Variants in DGKB observed in about 807,000 individuals in gnomAD.
DGKB encodes the protein diacylglycerol kinase beta, also known as 90 kDa diacylglycerol kinase.
DGKB carries 67 observed loss-of-function variants against 114.3 expected under a neutral mutation model. The ratio of observed to expected loss-of-function variants is 0.59; its 90% CI spans 0.48 to 0.72. DGKB has a LOEUF of 0.72. Ranked by LOEUF, DGKB falls within the 30% of genes least tolerant of loss-of-function variation. DGKB has a pLI of 0.00. For missense variants in DGKB, 907 were observed against 975.2 expected (o/e 0.93, Z 0.93); for synonymous variants, 398 against 323.1 (o/e 1.23, Z -2.49).
intron 20 of DGKB, among the ~76,000 whole-genome samples, chr7:14,486,771 T>C (rs900871502): frequency 6.6e-6 from 1 of 152,132 alleles, no homozygotes; most frequent in African/African-American, 2.4e-5. Flanking sequence ...TGGAGAGCTG[T>C]GTGTGCACAG....
chr7:14,310,587 T>C (rs1273046388), intron 23 of DGKB, among the ~76,000 whole-genome samples: 1 of 152,196 alleles, frequency 6.6e-6, no homozygotes, highest in Non-Finnish European at 1.5e-5. Context: ...CAGGCACCCT[T>C]CTTCTTCCTC....
chr7:14,932,805 G>C (rs1785089726), intron 1 of DGKB, among the ~76,000 whole-genome samples: 2 of 152,146 alleles, frequency 1.3e-5, no homozygotes, highest in African/African-American at 4.8e-5. Context: ...CTAATCTGTT[G>C]ACCACCAAAG....
rs147809042 is a variant in DGKB at position 14,434,617 on chromosome 7, C to G, written c.1835+43544G>C. Among the ~76,000 whole-genome samples the G allele has an allele frequency of 4.1e-3, 623 of 152,140 alleles. 4 individuals carry two copies. Among genetic ancestry groups the G allele is most frequent in the African/African-American group, 0.014 (591 of 41,516 alleles). ...ACACTTTGATTCTTGTTCAGTGAGACCTGTGTTGAATATCTGACCTATAGA... is the reference window on the plus strand; with the variant it reads ...ACACTTTGATTCTTGTTCAGTGAGAGCTGTGTTGAATATCTGACCTATAGA... On this transcript the variant is annotated intron_variant, in intron 21 of 25. Coordinates refer to ENST00000402815, the MANE Select transcript of DGKB (RefSeq NM_001350709.2).
chr7:14,591,146 G>A (rs1425502087), intron 17 of DGKB, among the ~76,000 whole-genome samples: 3 of 152,258 alleles, frequency 2.0e-5, no homozygotes, highest in Non-Finnish European at 2.9e-5. Context: ...AGGCTGTGAT[G>A]AGGAGCAGCT....
chr7:14,554,738 A>G (rs942373448), intron 20 of DGKB, among the ~76,000 whole-genome samples: 1 of 152,138 alleles, frequency 6.6e-6, no homozygotes, highest in Non-Finnish European at 1.5e-5. Flanking sequence ...GAACAATTTG[A>G]AAGGCAAAAT....
At chr7:14,280,372 A>G (rs1260576418) in intron 23 of DGKB, among the ~76,000 whole-genome samples, 1 of 152,114 alleles carries the variant, frequency 6.6e-6, no homozygotes, top group Admixed American at 6.5e-5. Flanking sequence ...AAAAGACCAA[A>G]TCTACGTCTG....
intron 1 of DGKB, among the ~76,000 whole-genome samples, chr7:14,949,511 G>A (rs1786059284): frequency 6.6e-6 from 1 of 151,966 alleles, no homozygotes; most frequent in Admixed American, 6.6e-5. Context: ...TCAGAGAAAT[G>A]TGGTATCTCA....
intron 20 of DGKB, among the ~76,000 whole-genome samples, chr7:14,493,598 C>G (rs1458860993): frequency 6.6e-6 from 1 of 151,876 alleles, no homozygotes; most frequent in Non-Finnish European, 1.5e-5. Flanking sequence ...TACGAGTGAC[C>G]TAAGTGGCAG....
intron 20 of DGKB, among the ~76,000 whole-genome samples, chr7:14,537,523 T>C (rs938686267): frequency 6.6e-6 from 1 of 152,138 alleles, no homozygotes; most frequent in Non-Finnish European, 1.5e-5. Context: ...ATGCCAAGAA[T>C]ACACAACAGA....
chr7:14,423,708 T>C (rs1362904599), intron 21 of DGKB, among the ~76,000 whole-genome samples: 1 of 152,116 alleles, frequency 6.6e-6, no homozygotes, highest in East Asian at 1.9e-4. Flanking sequence ...AATTGATATT[T>C]CACTCAATGA....
Position 14,682,642 on chromosome 7 carries a change from T to A in DGKB, c.946A>T (p.Asn316Tyr). 6.2e-7 allele frequency: 1 copy of A among 1,613,544 alleles called. No individual in the cohort carries two copies. The highest frequency in any genetic ancestry group is 8.5e-7 in the Non-Finnish European group (1 of 1,179,558). The change falls in exon 12 of 26, where the codon AAC becomes TAC. Residue 316 changes from asparagine (N) to tyrosine (Y), a missense_variant. Physicochemically the swap from Asn to Tyr is moderately radical, Grantham distance 143 (BLOSUM62 -2). Transcript: ENST00000402815. ...DVMHHYWVEG[N>Y]CPTKCDKCHK... ...CACTTATCACACTTGGTTGGGCAGT[T>A]ACCTTCAACCCAGTAATGGTGCATG... is the stretch of plus-strand genomic sequence containing the variant.
intron 2 of DGKB, among the ~76,000 whole-genome samples, chr7:14,780,772 T>A (rs1838967698): frequency 6.6e-6 from 1 of 152,204 alleles, no homozygotes; most frequent in African/African-American, 2.4e-5. Flanking sequence ...AATTAAGATC[T>A]TATTCACCCA....
chr7:14,633,779 T>C (rs891650765), intron 13 of DGKB, among the ~76,000 whole-genome samples: 6 of 151,790 alleles, frequency 4.0e-5, no homozygotes, highest in African/African-American at 1.4e-4. Context: ...TGATTGATTT[T>C]ATTTGATCAG....
At chr7:14,370,290 T>C (rs797017189) in intron 21 of DGKB, among the ~76,000 whole-genome samples, 31 of 152,310 alleles carry the variant, frequency 2.0e-4, no homozygotes, top group African/African-American at 7.2e-4. Flanking sequence ...GCCTCTGTTG[T>C]GTTCCATTGG....
At chr7:14,150,719 T>A (rs1313067372) in intron 25 of DGKB, among the ~76,000 whole-genome samples, 1 of 152,116 alleles carries the variant, frequency 6.6e-6, no homozygotes, top group Non-Finnish European at 1.5e-5. Flanking sequence ...TGCACTTAAC[T>A]ATGTAGATTG....
intron 2 of DGKB, among the ~76,000 whole-genome samples, chr7:14,823,839 T>A (rs1845287629): frequency 6.6e-6 from 1 of 152,174 alleles, no homozygotes; most frequent in Non-Finnish European, 1.5e-5. Context: ...TACTAATCTA[T>A]ATTAACATGA....
intron 25 of DGKB, among the ~76,000 whole-genome samples, chr7:14,158,912 C>T (rs1277570237): frequency 1.3e-5 from 2 of 152,090 alleles, no homozygotes; most frequent in South Asian, 4.1e-4. Context: ...TCATTTTCAT[C>T]CCCCAAATAT....
At chr7:14,837,473 G>C (rs1479889762) in intron 2 of DGKB, among the ~76,000 whole-genome samples, 1 of 152,118 alleles carries the variant, frequency 6.6e-6, no homozygotes, top group East Asian at 1.9e-4. Flanking sequence ...CTTATTCCAA[G>C]AAAGCAAATA....
At chr7:14,493,449 C>A (rs959136321) in intron 20 of DGKB, among the ~76,000 whole-genome samples, 1 of 151,920 alleles carries the variant, frequency 6.6e-6, no homozygotes, top group African/African-American at 2.4e-5. Context: ...ATAAAAGTTA[C>A]GTGAATGTGG....
Sources: allele counts gnomAD v4.1 joint callset (sites outside exome capture counted in the v4.1 genomes callset), GRCh38; gene constraint gnomAD v4.1.1; transcripts MANE v1.5; gene names NCBI Gene and HGNC (gene_info 2026-07-23, HGNC 2026-07-21).